GRID1: variants seen among roughly 807,000 people sequenced by gnomAD.
The protein encoded by GRID1 is glutamate ionotropic receptor delta type subunit 1.
GRID1 carries 28 observed loss-of-function variants against 98.0 expected under a neutral mutation model. The ratio of observed to expected loss-of-function variants is 0.29; its 90% confidence interval spans 0.21 to 0.39. GRID1 has a LOEUF of 0.39. Ranked by LOEUF, GRID1 falls within the 10% of genes least tolerant of loss-of-function variation. GRID1 has a pLI of 1.00. For synonymous variants in GRID1, 553 were observed against 538.5 expected (o/e 1.03, Z -0.37); for missense variants, 1,111 against 1,340.5 (o/e 0.83, Z 2.67).
chr10:86,289,137 C>G (rs533845588), intron 2 of GRID1, among the ~76,000 whole-genome samples: 2 of 152,152 alleles, frequency 1.3e-5, no homozygotes, highest in African/African-American at 4.8e-5. Context: ...GACCAATGGA[C>G]CCCCAGTGCT....
chr10:85,827,536 G>A (rs1842830900), intron 8 of GRID1, among the ~76,000 whole-genome samples: 1 of 152,210 alleles, frequency 6.6e-6, no homozygotes, highest in African/African-American at 2.4e-5. Flanking sequence ...ATGACTTGGA[G>A]TCACTGAAAG....
At chr10:85,953,711 C>A (rs990052336) in intron 4 of GRID1, among the ~76,000 whole-genome samples, 18 of 152,220 alleles carry the variant, frequency 1.2e-4, no homozygotes, top group African/African-American at 4.3e-4. Context: ...TTCACAGTCT[C>A]TCTGTATAGG....
intron 4 of GRID1, among the ~76,000 whole-genome samples, chr10:85,929,586 A>T (rs1841822255): frequency 6.6e-6 from 1 of 152,268 alleles, no homozygotes; most frequent in Non-Finnish European, 1.5e-5. Context: ...ATAAGGGTAC[A>T]ATCAAATGTT....
At chr10:85,778,862 A>G (rs11201790) in intron 8 of GRID1, among the ~76,000 whole-genome samples, 8,038 of 152,186 alleles carry the variant, frequency 0.053, 360 homozygotes, top group African/African-American at 0.12. Context: ...CTTCTGCAAA[A>G]TGGGGCCAAT....
intron 12 of GRID1, among the ~76,000 whole-genome samples, chr10:85,720,061 A>C (rs937386540): frequency 7.2e-5 from 11 of 152,208 alleles, no homozygotes; most frequent in African/African-American, 2.7e-4. Context: ...ATAAATAAAT[A>C]AACTTAGCAA....
chr10:85,892,029 A>C (rs1841208468), intron 5 of GRID1, among the ~76,000 whole-genome samples: 1 of 151,884 alleles, frequency 6.6e-6, no homozygotes, highest in South Asian at 2.1e-4. Flanking sequence ...ATAGAGCAAA[A>C]CATGCATGAT....
In GRID1 at chr10:85,916,103, G is replaced by T; in HGVS notation, c.780+83C>A. ...CACAACAGCCCCCTAAGTCAGAATT[G>T]AACTGAAAAGAATCACACTGAGCTT... On this transcript the variant is annotated intron_variant, in intron 5 of 15. Coordinates refer to ENST00000327946, the MANE Select transcript of GRID1 (RefSeq NM_017551.3). This position sits in a 1 kb window ranked among gnomAD's most constrained non-coding sequence, Gnocchi z 4.0. The T allele has an allele frequency of 9.4e-7, 1 of 1,064,546 alleles. No homozygotes were observed. The highest frequency in any genetic ancestry group is 1.4e-6 in the Non-Finnish European group (1 of 692,368). The allele number at this position is 1,064,546 out of a possible 1,614,324, so 65.9% of individuals were successfully genotyped here. A position where few individuals can be genotyped will look rare whatever the true frequency, so the allele number is the denominator to read the frequency against.
chr10:85,791,578 G>T lies in GRID1; in HGVS notation c.1234-61964C>A, dbSNP rs149850369. Among the ~76,000 whole-genome samples the T allele has an allele frequency of 4.4e-4, 67 of 152,206 alleles. No individual in the cohort carries two copies. In the East Asian group the frequency reaches 0.012, roughly 26 times the overall value. On this transcript the variant is annotated intron_variant, in intron 8 of 15. Coordinates refer to ENST00000327946, the MANE Select transcript of GRID1 (RefSeq NM_017551.3). ...GGTGAATGATAACCAGAAAGAAAGTGACAATATATATATGAACAGAATGTC... is the reference window on the plus strand; with the variant it reads ...GGTGAATGATAACCAGAAAGAAAGTTACAATATATATATGAACAGAATGTC...
At chr10:86,271,984 A>G (rs1847192554) in intron 2 of GRID1, among the ~76,000 whole-genome samples, 1 of 152,196 alleles carries the variant, frequency 6.6e-6, no homozygotes, top group Admixed American at 6.5e-5. Context: ...ACACATTATA[A>G]TCAAAATGCT....
intron 6 of GRID1, among the ~76,000 whole-genome samples, chr10:85,867,927 A>T (rs1347784891): frequency 6.6e-6 from 1 of 152,196 alleles, no homozygotes; most frequent in Admixed American, 6.5e-5. Flanking sequence ...TATAGAGTAG[A>T]TTCATTCCTT....
chr10:85,840,752 A>T (rs1323222630), intron 8 of GRID1, among the ~76,000 whole-genome samples: 2 of 152,196 alleles, frequency 1.3e-5, no homozygotes, highest in Non-Finnish European at 2.9e-5. Context: ...CCACAAAAAG[A>T]ATAAAATACC....
At chr10:85,716,119 C>G (rs1171370865) in intron 12 of GRID1, among the ~76,000 whole-genome samples, 11 of 152,104 alleles carry the variant, frequency 7.2e-5, no homozygotes. Context: ...GTTTGCCAGG[C>G]TGGTCTTGAA....
chr10:86,049,297 G>A (rs963901000), intron 4 of GRID1, among the ~76,000 whole-genome samples: 15 of 152,226 alleles, frequency 9.9e-5, no homozygotes, highest in Non-Finnish European at 1.3e-4. Flanking sequence ...GTGGGATGGT[G>A]CAGGAGGATC....
chr10:86,279,528 G>C (rs1380099212), intron 2 of GRID1, among the ~76,000 whole-genome samples: 1 of 152,090 alleles, frequency 6.6e-6, no homozygotes, highest in Admixed American at 6.5e-5. Flanking sequence ...CATTGAACAT[G>C]GTAAAGGCAT....
intron 4 of GRID1, among the ~76,000 whole-genome samples, chr10:86,094,653 A>C (rs578259563): frequency 4.6e-5 from 7 of 151,642 alleles, no homozygotes; most frequent in Non-Finnish European, 1.0e-4. Flanking sequence ...GGAGTCAAAG[A>C]CCTCTACAAG....
intron 2 of GRID1, among the ~76,000 whole-genome samples, chr10:86,232,766 G>C (rs1846476616): frequency 6.6e-6 from 1 of 152,068 alleles, no homozygotes; most frequent in South Asian, 2.1e-4. Context: ...GGGAGGGAAA[G>C]TCTATAAATA....
At chr10:85,941,688 C>T (rs1195049728) in intron 4 of GRID1, among the ~76,000 whole-genome samples, 1 of 152,160 alleles carries the variant, frequency 6.6e-6, no homozygotes, top group East Asian at 1.9e-4. Context: ...TTTTTCTGTG[C>T]CTATCTAAAT....
intron 8 of GRID1, among the ~76,000 whole-genome samples, chr10:85,752,437 T>C (rs572519703): frequency 1.3e-5 from 2 of 152,270 alleles, no homozygotes; most frequent in East Asian, 1.9e-4. Context: ...ATGATATACA[T>C]ATATATACTA....
chr10:85,656,690 C>T (rs563225535), intron 12 of GRID1, among the ~76,000 whole-genome samples: 3 of 152,290 alleles, frequency 2.0e-5, no homozygotes, highest in South Asian at 2.1e-4. Flanking sequence ...CACTACTGAC[C>T]CTTCTCTTTC....
Sources: allele counts gnomAD v4.1 joint callset (sites outside exome capture counted in the v4.1 genomes callset), GRCh38; gene constraint gnomAD v4.1.1; non-coding constraint Gnocchi (gnomAD v3.1); transcripts MANE v1.5; gene names NCBI Gene and HGNC (gene_info 2026-07-23, HGNC 2026-07-21).